The following SP100 variants were observed in gnomAD, a reference collection of about 807,000 sequenced individuals.
The protein encoded by SP100 is nuclear autoantigen Sp-100.
A neutral mutation model predicts 130.0 loss-of-function variants in SP100; 84 were observed. The ratio of observed to expected loss-of-function variants is 0.65; its 90% CI spans 0.54 to 0.77. The LOEUF is 0.77. Among genes scored for constraint, SP100 ranks in the 30% least tolerant of loss-of-function variants. The probability of loss-of-function intolerance (pLI) is 0.00; values close to 1 mark genes in which losing one functional copy is unlikely to be tolerated. For missense variants in SP100, 978 were observed against 1,052.2 expected (o/e 0.93, Z 0.97); for synonymous variants, 331 against 351.7 (o/e 0.94, Z 0.66).
intron 18 of SP100, among the ~76,000 whole-genome samples, chr2:230,496,927 A>G (rs1468718249): frequency 2.6e-5 from 4 of 152,228 alleles, no homozygotes; most frequent in Non-Finnish European, 5.9e-5. Flanking sequence ...GATTGAGTCT[A>G]TAAATGTCTC....
chr2:230,516,125 G>A (rs115288672), intron 24 of SP100: 1 of 960,296 alleles, frequency 1.0e-6, no homozygotes, highest in African/African-American at 1.8e-5. Flanking sequence ...CAAGGTACCA[G>A]GTCAGTCTTC....
intron 25 of SP100, 79 bp from the exon 26 acceptor site, chr2:230,540,797 G>A (rs765785373): frequency 1.7e-5 from 26 of 1,530,394 alleles, no homozygotes; most frequent in Middle Eastern, 3.6e-4. Flanking sequence ...GCATTCTTGA[G>A]CAGAGGACTT....
chr2:230,425,316 C>G (rs1398851065), intron 2 of SP100, among the ~76,000 whole-genome samples: 1 of 151,364 alleles, frequency 6.6e-6, no homozygotes, highest in Non-Finnish European at 1.5e-5. Flanking sequence ...GACTTCCAAG[C>G]TTTTGGCAAC....
chr2:230,469,499 G>T (rs1020669743), intron 14 of SP100: 121 of 462,072 alleles, frequency 2.6e-4, no homozygotes, highest in Non-Finnish European at 5.0e-4. Context: ...AAGAAACAAC[G>T]TTGTCCTAGG....
At chr2:230,494,177 A>G (rs2066537646) in intron 17 of SP100, among the ~76,000 whole-genome samples, 1 of 151,916 alleles carries the variant, frequency 6.6e-6, no homozygotes, top group Admixed American at 6.6e-5. Context: ...GAATGATAAG[A>G]CCACATATGG....
chr2:230,537,190 T>C (rs967013321), intron 24 of SP100, among the ~76,000 whole-genome samples: 34 of 152,078 alleles, frequency 2.2e-4, no homozygotes, highest in African/African-American at 7.7e-4. Context: ...GTCCAGGAAG[T>C]TGAGGCTGCA....
At chr2:230,449,932 AG>A (rs752071125) in intron 7 of SP100, among the ~76,000 whole-genome samples, 12 of 152,224 alleles carry the variant, frequency 7.9e-5, no homozygotes, top group Admixed American at 3.3e-4. Flanking sequence ...TGAGAGAGAA[AG>A]GGGAAGAGTT....
intron 5 of SP100, 122 bp from the exon 6 acceptor site, chr2:230,448,966 T>C (rs2063836465): frequency 2.8e-6 from 2 of 720,840 alleles, no homozygotes; most frequent in Non-Finnish European, 5.1e-6. Context: ...CAGGTGGCCT[T>C]TGCATTGAGA....
At chr2:230,418,248 T>G (rs1206849228) in intron 2 of SP100, among the ~76,000 whole-genome samples, 1 of 152,232 alleles carries the variant, frequency 6.6e-6, no homozygotes, top group Non-Finnish European at 1.5e-5. Flanking sequence ...TCCATGACAA[T>G]TATTTACCTT....
intron 8 of SP100, among the ~76,000 whole-genome samples, chr2:230,452,199 T>A (rs548059021): frequency 6.6e-6 from 1 of 151,952 alleles, no homozygotes; most frequent in South Asian, 2.1e-4. Context: ...TTTTTTGAGA[T>A]GGAGTTTTGC....
chr2:230,421,398 G>A (rs997232775), intron 2 of SP100, among the ~76,000 whole-genome samples: 3 of 151,838 alleles, frequency 2.0e-5, no homozygotes, highest in African/African-American at 7.3e-5. Context: ...CCTGTGTTGG[G>A]TCTTGTTTTG....
chr2:230,532,197 T>C (rs998922471), intron 24 of SP100, among the ~76,000 whole-genome samples: 2 of 151,648 alleles, frequency 1.3e-5, no homozygotes, highest in Non-Finnish European at 2.9e-5. Flanking sequence ...TAGAGAGCTG[T>C]AAGAGCTTTA....
At chr2:230,446,734 TG>T in intron 4 of SP100, 84 bp from the exon 5 acceptor site, 1 of 839,426 alleles carries the variant, frequency 1.2e-6, no homozygotes, top group Non-Finnish European at 1.9e-6. Flanking sequence ...ACCCAAGGGC[TG>T]GAAATTCCTA....
At position 230,469,057 on chromosome 2, in the gene SP100, A is replaced by G. The variant is rs2065129324; in HGVS notation, c.1306A>G (p.Arg436Gly). The G allele has an allele frequency of 1.3e-6, 2 of 1,595,872 alleles. No homozygotes were observed. Among genetic ancestry groups the G allele is most frequent in the Non-Finnish European group, 1.7e-6 (2 of 1,166,060 alleles). Reference protein sequence around the residue: ...KHGEKAPMTSRSTSTWRIPSR... With the variant: ...KHGEKAPMTSGSTSTWRIPSR... The stretch of plus-strand genomic sequence containing the variant: ...TTACTTTCTAGCTCCTATGACTTCT[A>G]GAAGTACATCTACTTGGAGAATACC... Residue 436 changes from arginine (R) to glycine (G), a missense_variant, in exon 14 of 29, where the codon AGA (arginine) becomes GGA (glycine). Coordinates refer to ENST00000340126, the MANE Select transcript of SP100 (RefSeq NM_001080391.2).
At chr2:230,537,403 TG>T (rs1330320392) in intron 24 of SP100, among the ~76,000 whole-genome samples, 1 of 152,182 alleles carries the variant, frequency 6.6e-6, no homozygotes. Flanking sequence ...GTTTCTTTGC[TG>T]GAGGTGAGAC....
intron 17 of SP100, among the ~76,000 whole-genome samples, chr2:230,477,948 C>CAAAAAAAAAAA (rs5839369): frequency 6.0e-5 from 8 of 133,936 alleles, no homozygotes; most frequent in Admixed American, 1.5e-4. Flanking sequence ...ACAAAACAAA[C>CAAAAAAAAAAA]AAAAAAAAAA....
chr2:230,535,061 T>C (rs1691868499), intron 24 of SP100, among the ~76,000 whole-genome samples: 2 of 152,104 alleles, frequency 1.3e-5, no homozygotes, highest in South Asian at 4.1e-4. Flanking sequence ...CCGGGCATGG[T>C]GGCAGGCACC....
At chr2:230,509,161 T>C (rs2150078828) in intron 23 of SP100, 1 of 152,392 alleles carries the variant, frequency 6.6e-6, no homozygotes, top group Admixed American at 6.5e-5. Flanking sequence ...GTGGAGTTCA[T>C]AGACCAGTGG....
intron 24 of SP100, among the ~76,000 whole-genome samples, chr2:230,524,356 C>CAAAA (rs34536949): frequency 1.1e-5 from 1 of 94,898 alleles, no homozygotes; most frequent in African/African-American, 4.4e-5. Context: ...GATTCCATCT[C>CAAAA]AAAAAAAAAA....
Sources: gnomAD v4.1 joint callset for allele counts (sites outside exome capture counted in the v4.1 genomes callset) on GRCh38, gnomAD v4.1.1 for gene constraint, MANE v1.5 for transcripts, NCBI Gene and HGNC (gene_info 2026-07-23, HGNC 2026-07-21) for gene names.